MYO7A: variants seen among roughly 807,000 people sequenced by gnomAD.
The protein encoded by MYO7A is unconventional myosin-VIIa.
MYO7A carries 210 observed loss-of-function variants against 263.8 expected under a neutral mutation model. That is an observed-to-expected ratio of 0.80 (90% CI 0.71 to 0.89). The LOEUF is 0.89. Among genes scored for constraint, MYO7A ranks in the 40% least tolerant of loss-of-function variants. The pLI is 0.00. For missense variants in MYO7A, 2,820 were observed against 2,968.3 expected (o/e 0.95, Z 1.16); for synonymous variants, 1,239 against 1,197.3 (o/e 1.03, Z -0.72).
At chr11:77,176,612 A>G (rs1954672039) in intron 18 of MYO7A, among the ~76,000 whole-genome samples, 1 of 152,208 alleles carries the variant, frequency 6.6e-6, no homozygotes, top group African/African-American at 2.4e-5. Context: ...GAGGAGCTCC[A>G]TCAGCCCCTG....
chr11:77,156,132 C>T (rs1555061979), intron 5 of MYO7A, 41 bp downstream of exon 5: 3 of 1,600,846 alleles, frequency 1.9e-6, no homozygotes, highest in African/African-American at 1.3e-5. Context: ...AGGCTTAGGA[C>T]CTAGAGCTCC....
Position 77,194,607 on chromosome 11 carries a change from G to A in MYO7A, c.4323+83G>A, listed in dbSNP as rs867716. 0.012 allele frequency: 16,756 copies of A among 1,423,458 alleles called. 246 individuals are homozygous for A. Among genetic ancestry groups the A allele is most frequent in the African/African-American group, 0.072 (5,025 of 69,754 alleles). 88.2% of individuals were successfully genotyped at this position (1,423,458 alleles called of 1,614,324 possible). On this transcript the variant is annotated intron_variant, in intron 32 of 48. Coordinates refer to ENST00000409709, the MANE Select transcript of MYO7A (RefSeq NM_000260.4). The stretch of plus-strand genomic sequence containing the variant: ...TCCCAGGCCTCATCTGAACCTCTCT[G>A]TTGGGGCTGCGGGGGATGGGATGGC...
chr11:77,189,877 G>A (rs1591411854), intron 28 of MYO7A, 143 bp from the exon 29 acceptor site: 2 of 1,335,042 alleles, frequency 1.5e-6, no homozygotes, highest in Non-Finnish European at 2.0e-6. Context: ...GGAAATAGAT[G>A]GTGGAGCTGA....
chr11:77,161,451 G>A (rs553558066), intron 12 of MYO7A, among the ~76,000 whole-genome samples: 15 of 152,322 alleles, frequency 9.8e-5, no homozygotes, highest in African/African-American at 1.7e-4. Flanking sequence ...CCTGTGCCAC[G>A]CTTGTGTTGG....
intron 12 of MYO7A, 65 bp downstream of exon 12, chr11:77,161,180 C>T: frequency 6.3e-7 from 1 of 1,593,110 alleles, no homozygotes; most frequent in South Asian, 1.1e-5. Context: ...AATATCACGT[C>T]TCTCCCTTGC....
intron 3 of MYO7A, among the ~76,000 whole-genome samples, chr11:77,147,378 A>G: frequency 6.6e-6 from 1 of 151,850 alleles, no homozygotes; most frequent in South Asian, 2.1e-4. Context: ...TCTTGGCACT[A>G]TCTGAAATCA....
At chr11:77,162,068 C>G (rs567299838) in intron 12 of MYO7A, 52 bp from the exon 13 acceptor site, 1 of 1,511,542 alleles carries the variant, frequency 6.6e-7, no homozygotes, top group East Asian at 2.4e-5. Flanking sequence ...AGGCCCTGAA[C>G]AGCATGGTGG....
At chr11:77,147,683 C>T in intron 3 of MYO7A, 115 bp from the exon 4 acceptor site, 4 of 1,372,836 alleles carry the variant, frequency 2.9e-6, no homozygotes, top group Admixed American at 2.0e-5. Flanking sequence ...CCAGAGAGGT[C>T]GAGGCCCTTA....
In MYO7A at chr11:77,160,990, G is replaced by A. The variant is rs782089009; in HGVS notation, c.1218G>A (p.Leu406=). 6.2e-7 allele frequency: 1 copy of A among 1,608,306 alleles called. No individual in the cohort carries two copies. Among genetic ancestry groups the A allele is most frequent in the East Asian group, 2.2e-5 (1 of 44,700 alleles). Residue 406 remains leucine, a synonymous_variant, in exon 12 of 49, where the codon CTG becomes CTA. Coordinates refer to ENST00000409709, the MANE Select transcript of MYO7A (RefSeq NM_000260.4). The part of the protein sequence containing the change: ...DAFVKGIYGR[L]FVWIVDKINA... ...CCTTTCAGGGGATCTACGGGCGGCT[G>A]TTCGTGTGGATTGTGGACAAGATCA...
intron 3 of MYO7A, among the ~76,000 whole-genome samples, chr11:77,144,290 G>T (rs1194437219): frequency 6.6e-6 from 1 of 152,202 alleles, no homozygotes; most frequent in East Asian, 1.9e-4. Context: ...AGAAGGGGAG[G>T]CACAGGCTGG....
chr11:77,194,620 G>A, intron 32 of MYO7A, 96 bp downstream of exon 32: 1 of 1,316,220 alleles, frequency 7.6e-7, no homozygotes. Context: ...GGGGCTGCGG[G>A]GGATGGGATG....
chr11:77,197,508 G>A lies in MYO7A; in HGVS notation c.4351G>A (p.Ala1451Thr), dbSNP rs754360346. 1 of 1,605,814 alleles carries A rather than the reference G, an allele frequency of 6.2e-7. No homozygotes were observed. Among genetic ancestry groups the A allele is most frequent in the East Asian group, 2.2e-5 (1 of 44,692 alleles). Residue 1451 changes from alanine to threonine, a missense_variant, in exon 33 of 49, where the codon GCC becomes ACC. By Grantham distance (58) the Ala-to-Thr change is moderately conservative. Transcript: ENST00000409709. ...GATTTATGCCCAGAGGAGAACTGAT[G>A]CCCAGAAGGTCAAAGAGGATGTGGT... Reference protein sequence around the residue: ...KGIYAQRRTDAQKVKEDVVSY... With the variant: ...KGIYAQRRTDTQKVKEDVVSY...
At chr11:77,187,124 G>C (rs1247141590) in intron 27 of MYO7A, among the ~76,000 whole-genome samples, 2 of 152,076 alleles carry the variant, frequency 1.3e-5, no homozygotes, top group African/African-American at 4.8e-5. Context: ...CACGATTCAT[G>C]GTGCACAAAA....
At chr11:77,133,945 T>C (rs1354901459) in intron 2 of MYO7A, among the ~76,000 whole-genome samples, 1 of 152,266 alleles carries the variant, frequency 6.6e-6, no homozygotes, top group Admixed American at 6.5e-5. Context: ...CATCTTTTTT[T>C]TGAGATGGAG....
chr11:77,177,406 G>A (rs968272726), intron 18 of MYO7A, 143 bp from the exon 19 acceptor site: 36 of 671,662 alleles, frequency 5.4e-5, no homozygotes, highest in Middle Eastern at 3.8e-4. Context: ...TGCCCCAGGG[G>A]CCAGAGCCAG....
intron 45 of MYO7A, 49 bp downstream of exon 45, chr11:77,211,386 G>A (rs758732104): frequency 2.8e-5 from 43 of 1,525,730 alleles, no homozygotes; most frequent in South Asian, 1.5e-4. Flanking sequence ...AATGGGCCTC[G>A]GGGCACCCCA....
At chr11:77,149,382 G>A (rs781997272) in intron 4 of MYO7A, among the ~76,000 whole-genome samples, 3 of 152,218 alleles carry the variant, frequency 2.0e-5, no homozygotes, top group Non-Finnish European at 4.4e-5. Context: ...CTGGAGGTGG[G>A]TGAGGTTGGC....
chr11:77,184,029 C>T (rs1182366257), intron 26 of MYO7A, among the ~76,000 whole-genome samples: 6 of 152,144 alleles, frequency 3.9e-5, no homozygotes, highest in African/African-American at 9.7e-5. Context: ...CCACTCCTGC[C>T]GCTCGCCTCT....
chr11:77,203,849 C>T (rs548202316), intron 38 of MYO7A, among the ~76,000 whole-genome samples: 4 of 152,272 alleles, frequency 2.6e-5, no homozygotes, highest in South Asian at 2.1e-4. Flanking sequence ...GTCAGATTCA[C>T]CATCTGGGAA....
Sources: allele counts gnomAD v4.1 joint callset (sites outside exome capture counted in the v4.1 genomes callset), GRCh38; gene constraint gnomAD v4.1.1; transcripts MANE v1.5; gene names NCBI Gene and HGNC (gene_info 2026-07-23, HGNC 2026-07-21).